FAM149A: variants seen among roughly 807,000 people sequenced by gnomAD.
The protein encoded by FAM149A is family with sequence similarity 149 member A.
A neutral mutation model predicts 78.2 loss-of-function variants in FAM149A; 71 were observed. That is an observed-to-expected ratio of 0.91 (90% confidence interval 0.75 to 1.11). The LOEUF is 1.11. FAM149A is among the 50% of genes least tolerant of loss of function. The pLI is 0.00. For missense variants in FAM149A, 1,036 were observed against 971.0 expected, an observed-to-expected ratio of 1.07 and a Z score of -0.89; for synonymous variants, 446 against 410.5, an observed-to-expected ratio of 1.09 and a Z score of -1.04.
chr4:186,126,188 TCG>T, intron 1 of FAM149A: 1 of 739,548 alleles, frequency 1.4e-6, no homozygotes, highest in Non-Finnish European at 1.7e-6. Context: ...CGAGTAAGCC[TCG>T]CGCCTTGTTA....
intron 1 of FAM149A, chr4:186,125,843 TGAGA>T (rs2099318097): frequency 1.0e-6 from 1 of 978,182 alleles, no homozygotes; most frequent in Non-Finnish European, 1.2e-6. Context: ...GAGGTAGGGA[TGAGA>T]TGTTGAAGAA....
intron 1 of FAM149A, among the ~76,000 whole-genome samples, chr4:186,110,825 T>C (rs1475746250): frequency 6.6e-6 from 1 of 150,464 alleles, no homozygotes; most frequent in Non-Finnish European, 1.5e-5. Context: ...TCCAAGTCTT[T>C]GCTATTGTGA....
chr4:186,158,284 C>T, intron 8 of FAM149A: 1 of 1,224,964 alleles, frequency 8.2e-7, no homozygotes, highest in Non-Finnish European at 1.0e-6. Flanking sequence ...ACCAGCCTCT[C>T]AGAGAGGCGT....
In FAM149A at chr4:186,126,189, C is replaced by T. The variant is rs188585270; in HGVS notation, c.566+20547C>T. On this transcript the variant is annotated intron_variant, in intron 1 of 13. Coordinates refer to ENST00000389354, the MANE Select transcript of FAM149A (RefSeq NM_001367768.3). The stretch of plus-strand genomic sequence containing the variant: ...TACTAGGGGTACCTCGAGTAAGCCT[C>T]GCGCCTTGTTACCAAAAAGGATACC... 6.3e-4 allele frequency: 466 copies of T among 738,826 alleles called. 1 individual carries two copies. The African/African-American group carries it at 8.3e-3, about 13-fold the overall frequency. 45.8% of individuals were successfully genotyped at this position (738,826 alleles called of 1,614,324 possible).
chr4:186,132,051 A>G lies in FAM149A; in HGVS notation c.567-17122A>G, dbSNP rs957589033. The G allele has an allele frequency of 1.3e-4, 128 of 985,346 alleles. No individual in the cohort carries two copies. The Middle Eastern group carries it at 2.6e-3, about 20-fold the overall frequency. 61.0% of individuals were successfully genotyped at this position (985,346 alleles called of 1,614,324 possible). ...CATAAAAGATTGGAACACAAAACAC[A>G]AAATAGCTCCATATTAAAGCTTAGC... On this transcript the variant is annotated intron_variant, in intron 1 of 13. Transcript: ENST00000389354.
chr4:186,120,122 C>T (rs2099315346), intron 1 of FAM149A, among the ~76,000 whole-genome samples: 1 of 152,136 alleles, frequency 6.6e-6, no homozygotes, highest in Non-Finnish European at 1.5e-5. Flanking sequence ...TCCATAAAGC[C>T]AGGGTTCTTA....
intron 13 of FAM149A, among the ~76,000 whole-genome samples, chr4:186,168,133 T>G (rs1043974311): frequency 6.6e-6 from 1 of 152,194 alleles, no homozygotes; most frequent in Non-Finnish European, 1.5e-5. Flanking sequence ...TCTGTCGCTG[T>G]CCACATCAGC....
At chr4:186,111,459 A>G (rs2099311242) in intron 1 of FAM149A, among the ~76,000 whole-genome samples, 1 of 152,000 alleles carries the variant, frequency 6.6e-6, no homozygotes, top group South Asian at 2.1e-4. Flanking sequence ...TTTGGACATG[A>G]AGTCCTTGCC....
At chr4:186,133,431 TTATA>T (rs1296097921) in intron 1 of FAM149A, among the ~76,000 whole-genome samples, 7 of 152,168 alleles carry the variant, frequency 4.6e-5, no homozygotes, top group Non-Finnish European at 8.8e-5. Context: ...TTTAGGGACC[TTATA>T]TATATAAGTG....
intron 1 of FAM149A, among the ~76,000 whole-genome samples, chr4:186,124,411 G>T (rs560889660): frequency 4.3e-4 from 54 of 125,632 alleles, no homozygotes; most frequent in Non-Finnish European, 7.8e-4. Flanking sequence ...ATCCCTCCCC[G>T]CTCCCCCCCA....
Position 186,105,418 on chromosome 4 carries a change from CGGCGGG to C in FAM149A, c.346_351del (p.Gly116_Gly117del). The C allele has an allele frequency of 8.4e-7, 1 of 1,191,488 alleles. No individual in the cohort carries two copies. Among genetic ancestry groups the C allele is most frequent in the Non-Finnish European group, 1.1e-6 (1 of 947,790 alleles). 73.8% of individuals were successfully genotyped at this position (1,191,488 alleles called of 1,614,324 possible). On this transcript the variant is annotated inframe_deletion, in exon 1 of 14. Coordinates refer to ENST00000389354, the MANE Select transcript of FAM149A (RefSeq NM_001367768.3). ...CCCCGCCCCAGCCCCCCACTCCCTC[CGGCGGG>C]GGCTGCTCCCCTGCTCGCCTGGTGG...
At chr4:186,150,706 A>C (rs1490618731) in intron 3 of FAM149A, among the ~76,000 whole-genome samples, 1 of 132,748 alleles carries the variant, frequency 7.5e-6, no homozygotes, top group Non-Finnish European at 1.6e-5. Context: ...GGCGTGAGCC[A>C]CCGCGTCCGG....
At position 186,130,287 on chromosome 4, in the gene FAM149A, C is replaced by CTA. The variant is rs1324375458; in HGVS notation, c.567-18885_567-18884insAT. The CTA allele has an allele frequency of 2.9e-4, 11 of 38,214 alleles. No individual in the cohort carries two copies. In the South Asian group the frequency reaches 5.0e-3, roughly 17 times the overall value. 2.4% of individuals were successfully genotyped at this position (38,214 alleles called of 1,614,324 possible). A position where few individuals can be genotyped will look rare whatever the true frequency, so the allele number is the denominator to read the frequency against. On this transcript the variant is annotated intron_variant, in intron 1 of 13. Coordinates refer to ENST00000389354, the MANE Select transcript of FAM149A (RefSeq NM_001367768.3). Reference sequence around the variant, plus strand: ...AATCTCTCTCTCTCTCTCTCTCTCTCTCTCTCTATATATATATATATATAT... The same window carrying CTA: ...AATCTCTCTCTCTCTCTCTCTCTCTCTATCTCTCTATATATATATATATATAT...
At chr4:186,170,965 T>A (rs1046873977) in intron 13 of FAM149A, 6 of 152,308 alleles carry the variant, frequency 3.9e-5, no homozygotes, top group African/African-American at 1.4e-4. Context: ...ATGGAGCTCA[T>A]CATAAGCAGG....
rs1732895761 is a variant in FAM149A at position 186,144,945 on chromosome 4, G to T, written c.567-4228G>T. ...GCGCGGCGGGCGCGGGCGCGGGCGC[G>T]GGCGCGGGCGCGGGCGGGTGGGGAG... is the stretch of plus-strand genomic sequence containing the variant. On this transcript the variant is annotated intron_variant, in intron 1 of 13. Coordinates refer to ENST00000389354, the MANE Select transcript of FAM149A (RefSeq NM_001367768.3). The surrounding 1 kb of genome is among the most constrained non-coding windows in gnomAD (Gnocchi z 4.2). 1.1e-6 allele frequency: 1 copy of T among 938,802 alleles called. No individual in the cohort carries two copies. The highest frequency in any genetic ancestry group is 1.2e-6 in the Non-Finnish European group (1 of 814,920). The allele number at this position is 938,802 out of a possible 1,614,324, so 58.2% of individuals were successfully genotyped here.
Position 186,132,967 on chromosome 4 carries a change from TAA to T in FAM149A, c.567-16203_567-16202del, listed in dbSNP as rs35132717. 1.3e-5 allele frequency: 13 copies of T among 985,224 alleles called. No homozygotes were observed. The African/African-American group carries it at 1.9e-4, about 15-fold the overall frequency. The allele number at this position is 985,224 out of a possible 1,614,324, so 61.0% of individuals were successfully genotyped here. On this transcript the variant is annotated intron_variant, in intron 1 of 13. Transcript: ENST00000389354. ...TGATGGTATTTGGAGATGGATTTTT[TAA>T]AAGAGACATTGACGCTGTGCTCTGA...
At position 186,144,736 on chromosome 4, in the gene FAM149A, G is replaced by GGGGCCGGGGCCC; in HGVS notation, c.567-4434_567-4423dup. The GGGGCCGGGGCCC allele has an allele frequency of 1.2e-6, 1 of 863,730 alleles. No homozygotes were observed. 53.5% of individuals were successfully genotyped at this position (863,730 alleles called of 1,614,324 possible). On this transcript the variant is annotated intron_variant, in intron 1 of 13. Transcript: ENST00000389354. This position sits in a 1 kb window ranked among gnomAD's most constrained non-coding sequence, Gnocchi z 4.2. Reference sequence around the variant, plus strand: ...CGGAGGTCGGCGCGGGGCCGGGGCCGGGGCCGGGGCCCGGAGCGGGGATGG... The same window carrying GGGGCCGGGGCCC: ...CGGAGGTCGGCGCGGGGCCGGGGCCGGGGCCGGGGCCCGGGCCGGGGCCCGGAGCGGGGATGG...
chr4:186,150,451 G>C (rs538980709), intron 3 of FAM149A, among the ~76,000 whole-genome samples: 4,153 of 100,404 alleles, frequency 0.041, 114 homozygotes, highest in Admixed American at 0.059. Context: ...ACGGAGTCTC[G>C]CTCTGTCGCC....
chr4:186,137,924 T>C (rs987076232), intron 1 of FAM149A, among the ~76,000 whole-genome samples: 1 of 152,056 alleles, frequency 6.6e-6, no homozygotes, highest in Non-Finnish European at 1.5e-5. Context: ...CCTAGCACTT[T>C]CCAAGATTTT....
Sources: gnomAD v4.1 joint callset for allele counts (sites outside exome capture counted in the v4.1 genomes callset) on GRCh38, gnomAD v4.1.1 for gene constraint, Gnocchi (gnomAD v3.1) non-coding constraint, MANE v1.5 for transcripts, NCBI Gene and HGNC (gene_info 2026-07-23, HGNC 2026-07-21) for gene names.